KCND3: variants seen among roughly 807,000 people sequenced by gnomAD.
KCND3 encodes the protein potassium voltage-gated channel subfamily D member 3.
KCND3 carries 9 observed loss-of-function variants against 51.1 expected under a neutral mutation model. That is an observed-to-expected ratio of 0.18 (90% confidence interval 0.11 to 0.31). The LOEUF (loss-of-function observed/expected upper bound fraction) is 0.31. KCND3 is among the 10% of genes least tolerant of loss of function. The pLI, the probability that KCND3 is intolerant of heterozygous loss-of-function variation, is 1.00. For missense variants in KCND3, 526 were observed against 903.8 expected (o/e 0.58, Z 5.36); for synonymous variants, 349 against 368.0 (o/e 0.95, Z 0.59).
chr1:111,852,380 C>G (rs553885503), intron 2 of KCND3, among the ~76,000 whole-genome samples: 3 of 152,328 alleles, frequency 2.0e-5, no homozygotes, highest in East Asian at 3.9e-4. Context: ...GTGGGGAGTC[C>G]TTTTTGTGGG....
chr1:111,816,871 C>A (rs1666113114), intron 2 of KCND3, among the ~76,000 whole-genome samples: 1 of 152,206 alleles, frequency 6.6e-6, no homozygotes, highest in African/African-American at 2.4e-5. Context: ...TACATGCACT[C>A]ACACCTACTG....
At chr1:111,973,455 G>A (rs1484124411) in intron 2 of KCND3, among the ~76,000 whole-genome samples, 1 of 152,248 alleles carries the variant, frequency 6.6e-6, no homozygotes. Flanking sequence ...TACTGGGACT[G>A]ATAAGGTTCT....
chr1:111,896,067 G>A (rs1003644836), intron 2 of KCND3, among the ~76,000 whole-genome samples: 1 of 152,216 alleles, frequency 6.6e-6, no homozygotes, highest in Non-Finnish European at 1.5e-5. Context: ...CATGCTCCAC[G>A]CGCGTTCATT....
At chr1:111,844,099 G>A (rs907622666) in intron 2 of KCND3, among the ~76,000 whole-genome samples, 1 of 152,146 alleles carries the variant, frequency 6.6e-6, no homozygotes, top group Non-Finnish European at 1.5e-5. Flanking sequence ...AGGTGGATGT[G>A]TCTCTCAGGA....
chr1:111,897,859 C>T (rs1490031409), intron 2 of KCND3, among the ~76,000 whole-genome samples: 3 of 152,222 alleles, frequency 2.0e-5, no homozygotes, highest in African/African-American at 7.2e-5. Context: ...TAGACAAACA[C>T]AGGCCAGGCA....
intron 2 of KCND3, among the ~76,000 whole-genome samples, chr1:111,904,397 G>T (rs1368459072): frequency 1.3e-5 from 2 of 152,078 alleles, no homozygotes; most frequent in African/African-American, 4.8e-5. Context: ...AACCCTTTAG[G>T]GGCAGCTTTC....
chr1:111,979,552 G>T (rs1465673843), intron 2 of KCND3, among the ~76,000 whole-genome samples: 1 of 152,146 alleles, frequency 6.6e-6, no homozygotes, highest in East Asian at 1.9e-4. Flanking sequence ...TCTACCTAGG[G>T]GCCCTGATGG....
chr1:111,935,077 A>T (rs1035682240), intron 2 of KCND3, among the ~76,000 whole-genome samples: 1 of 152,222 alleles, frequency 6.6e-6, no homozygotes, highest in African/African-American at 2.4e-5. Flanking sequence ...CCATCTATCT[A>T]TATGGCATAC....
At position 111,940,195 on chromosome 1, in the gene KCND3, G is replaced by GT. The variant is rs922509636; in HGVS notation, c.1106+41425dup. ...AGGTTGCCTATTCTTTCTGATGATA[G>GT]TTTTTTTTTTGCTGTGCGGAAGCTC... On this transcript the variant is annotated intron_variant, in intron 2 of 7. Coordinates refer to ENST00000302127, the MANE Select transcript of KCND3 (RefSeq NM_001378969.1). Among the ~76,000 whole-genome samples the GT allele has an allele frequency of 1.1e-3, 157 of 138,442 alleles. 1 individual carries two copies. The highest frequency in any genetic ancestry group is 3.8e-3 in the Middle Eastern group (1 of 260). The allele number at this position is 138,442 out of a possible 152,430, so 90.8% of individuals were successfully genotyped here. A position where few individuals can be genotyped will look rare whatever the true frequency, so the allele number is the denominator to read the frequency against.
rs149336949 is a variant in KCND3 at position 111,848,204 on chromosome 1, C to T, written c.1107-61098G>A. 4.9e-3 allele frequency among the ~76,000 whole-genome samples: 750 copies of T among 152,268 alleles called. 6 individuals carry two copies. The highest frequency in any genetic ancestry group is 0.01 in the Middle Eastern group (3 of 294). ...CCCTGATACTAAGGGAGTGCAGTCA[C>T]GGGGAAGGGAGCTGGATCTTGGGCA... is the stretch of plus-strand genomic sequence containing the variant. On this transcript the variant is annotated intron_variant, in intron 2 of 7. Coordinates refer to ENST00000302127, the MANE Select transcript of KCND3 (RefSeq NM_001378969.1).
chr1:111,930,664 G>GAA (rs34294424), intron 2 of KCND3, among the ~76,000 whole-genome samples: 35,201 of 146,736 alleles, frequency 0.24, 5,159 homozygotes, highest in Non-Finnish European at 0.34. Context: ...CCCAAGTGTA[G>GAA]AAAAAAAAAA....
intron 2 of KCND3, among the ~76,000 whole-genome samples, chr1:111,906,516 CTATT>C (rs1670655722): frequency 6.6e-6 from 1 of 152,246 alleles, no homozygotes; most frequent in Admixed American, 6.5e-5. Context: ...CCTAGAATCA[CTATT>C]TATTTTTCTA....
At chr1:111,970,026 T>G (rs1674239410) in intron 2 of KCND3, among the ~76,000 whole-genome samples, 1 of 152,092 alleles carries the variant, frequency 6.6e-6, no homozygotes, top group Non-Finnish European at 1.5e-5. Flanking sequence ...TCTCTCTTTT[T>G]TTTTTTGGAG....
intron 2 of KCND3, among the ~76,000 whole-genome samples, chr1:111,818,417 G>T (rs1666204399): frequency 1.3e-5 from 2 of 152,250 alleles, no homozygotes; most frequent in Non-Finnish European, 2.9e-5. Context: ...GGAATGAGCT[G>T]GAGAGTGCCC....
intron 2 of KCND3, among the ~76,000 whole-genome samples, chr1:111,856,460 G>A (rs1668076895): frequency 6.6e-6 from 1 of 152,240 alleles, no homozygotes; most frequent in South Asian, 2.1e-4. Flanking sequence ...TGTGCAATAA[G>A]CACAACCTGA....
At chr1:111,936,606 G>C (rs1411428325) in intron 2 of KCND3, among the ~76,000 whole-genome samples, 2 of 151,610 alleles carry the variant, frequency 1.3e-5, no homozygotes, top group African/African-American at 2.4e-5. Context: ...GTGGGAAGCA[G>C]CAGTCAGAAA....
At chr1:111,897,130 C>T (rs946464924) in intron 2 of KCND3, among the ~76,000 whole-genome samples, 1 of 152,226 alleles carries the variant, frequency 6.6e-6, no homozygotes, top group Non-Finnish European at 1.5e-5. Context: ...ACACCAGCCC[C>T]CGCCTTCCTA....
chr1:111,889,902 T>C (rs1342656102), intron 2 of KCND3, among the ~76,000 whole-genome samples: 2 of 152,066 alleles, frequency 1.3e-5, no homozygotes, highest in Admixed American at 1.3e-4. Context: ...TGAGGATCTC[T>C]GAGATGTGTG....
chr1:111,833,103 A>G (rs1221793138), intron 2 of KCND3, among the ~76,000 whole-genome samples: 1 of 152,254 alleles, frequency 6.6e-6, no homozygotes, highest in African/African-American at 2.4e-5. Context: ...ATTGAGAAGA[A>G]CTGGAGGCTT....
Sources: gnomAD v4.1 joint callset for allele counts (sites outside exome capture counted in the v4.1 genomes callset) on GRCh38, gnomAD v4.1.1 for gene constraint, MANE v1.5 for transcripts, NCBI Gene and HGNC (gene_info 2026-07-23, HGNC 2026-07-21) for gene names.